The following PCDH9 variants were observed in gnomAD, a reference collection of about 807,000 sequenced individuals.
PCDH9 encodes protocadherin-9.
Under a neutral mutation model 70.6 loss-of-function variants are expected in PCDH9, and 24 were observed. That is an observed-to-expected ratio of 0.34 (90% CI 0.25 to 0.48). The LOEUF (loss-of-function observed/expected upper bound fraction) is 0.48. Among genes scored for constraint, PCDH9 ranks in the 20% least tolerant of loss-of-function variants. The probability of loss-of-function intolerance (pLI) is 0.99; values close to 1 mark genes in which losing one functional copy is unlikely to be tolerated. For synonymous variants in PCDH9, 562 were observed against 558.5 expected (o/e 1.01, Z -0.09); for missense variants, 1,281 against 1,503.6 (o/e 0.85, Z 2.45).
At chr13:66,820,513 A>G (rs1032359768) in intron 3 of PCDH9, among the ~76,000 whole-genome samples, 1 of 152,196 alleles carries the variant, frequency 6.6e-6, no homozygotes, top group African/African-American at 2.4e-5. Flanking sequence ...TATCCAATGG[A>G]ATGCAAATCA....
intron 2 of PCDH9, chr13:67,225,024 C>G (rs1205456002): frequency 1.9e-6 from 2 of 1,044,636 alleles, no homozygotes; most frequent in Non-Finnish European, 2.3e-6. Context: ...TTGAAGGTGA[C>G]TTTTTAGATC....
intron 2 of PCDH9, among the ~76,000 whole-genome samples, chr13:67,136,242 C>T (rs1316110617): frequency 6.6e-6 from 1 of 152,102 alleles, no homozygotes; most frequent in African/African-American, 2.4e-5. Flanking sequence ...CTAGGAGCAA[C>T]AGGCTGTACC....
At position 67,029,926 on chromosome 13, in the gene PCDH9, C is replaced by A. The variant is rs73211174; in HGVS notation, c.3037-126321G>T. Among the ~76,000 whole-genome samples the A allele has an allele frequency of 4.9e-3, 745 of 152,212 alleles. 2 individuals are homozygous for A. Among genetic ancestry groups the A allele is most frequent in the Non-Finnish European group, 8.9e-3 (603 of 68,010 alleles). ...AAGTTATTGTATTAATAAAAATTAGCAGAAGCCTTGAAACACCCACATTAT... is the reference window on the plus strand; with the variant it reads ...AAGTTATTGTATTAATAAAAATTAGAAGAAGCCTTGAAACACCCACATTAT... On this transcript the variant is annotated intron_variant, in intron 2 of 4. Coordinates refer to ENST00000377865, the MANE Select transcript of PCDH9 (RefSeq NM_203487.3).
At chr13:66,919,765 C>T (rs1296140813) in intron 2 of PCDH9, among the ~76,000 whole-genome samples, 14 of 150,848 alleles carry the variant, frequency 9.3e-5, no homozygotes. Flanking sequence ...CCCTCTTCTG[C>T]CTGTCAAGGA....
chr13:66,331,808 T>G (rs924946229), intron 4 of PCDH9, among the ~76,000 whole-genome samples: 1 of 152,172 alleles, frequency 6.6e-6, no homozygotes, highest in African/African-American at 2.4e-5. Flanking sequence ...ACAAGTTCCT[T>G]GGCAAGAAAG....
chr13:66,913,981 T>C (rs1283525250), intron 2 of PCDH9, among the ~76,000 whole-genome samples: 3 of 152,048 alleles, frequency 2.0e-5, no homozygotes, highest in Middle Eastern at 3.4e-3. Context: ...AGAAAAAGAA[T>C]TGGTGCTTTG....
chr13:66,631,631 C>A (rs962546529), intron 3 of PCDH9, among the ~76,000 whole-genome samples: 4 of 152,036 alleles, frequency 2.6e-5, no homozygotes, highest in African/African-American at 9.7e-5. Context: ...GTATAATTCA[C>A]GACCTTAAAA....
chr13:66,456,941 A>T (rs1034444629), intron 4 of PCDH9, among the ~76,000 whole-genome samples: 1 of 152,148 alleles, frequency 6.6e-6, no homozygotes, highest in Non-Finnish European at 1.5e-5. Flanking sequence ...TGTAAAATAT[A>T]ATAACTGTGT....
intron 2 of PCDH9, among the ~76,000 whole-genome samples, chr13:66,965,780 A>C (rs1284860074): frequency 6.6e-6 from 1 of 152,066 alleles, no homozygotes. Context: ...TATTAATAGA[A>C]TAAGTTCTGA....
At chr13:66,709,500 A>G (rs939076648) in intron 3 of PCDH9, among the ~76,000 whole-genome samples, 23 of 152,112 alleles carry the variant, frequency 1.5e-4, no homozygotes, top group Admixed American at 2.0e-4. Context: ...TTCAAGCCCC[A>G]TTACCTAGAA....
intron 4 of PCDH9, among the ~76,000 whole-genome samples, chr13:66,463,912 CAT>C (rs983788923): frequency 2.0e-5 from 3 of 151,574 alleles, no homozygotes; most frequent in African/African-American, 7.3e-5. Context: ...GATTTATAAA[CAT>C]ATGATTAGAT....
At chr13:66,874,125 G>A (rs937266996) in intron 3 of PCDH9, among the ~76,000 whole-genome samples, 1 of 151,284 alleles carries the variant, frequency 6.6e-6, no homozygotes, top group Non-Finnish European at 1.5e-5. Context: ...ATTTTTAGTA[G>A]GGACAGTATT....
chr13:66,307,358 T>C (rs1251283969), intron 4 of PCDH9, among the ~76,000 whole-genome samples: 1 of 152,164 alleles, frequency 6.6e-6, no homozygotes, highest in South Asian at 2.1e-4. Flanking sequence ...AGGTTGAAAA[T>C]GTTCTGAGGA....
intron 4 of PCDH9, among the ~76,000 whole-genome samples, chr13:66,578,553 T>C (rs569642439): frequency 6.6e-6 from 1 of 152,160 alleles, no homozygotes; most frequent in African/African-American, 2.4e-5. Flanking sequence ...TTGCTTATGA[T>C]AGCAACTTCT....
At chr13:66,934,968 C>A (rs1298401270) in intron 2 of PCDH9, among the ~76,000 whole-genome samples, 1 of 151,680 alleles carries the variant, frequency 6.6e-6, no homozygotes, top group Non-Finnish European at 1.5e-5. Context: ...GATCCGCCCG[C>A]CTCGGCCTCC....
chr13:67,201,966 T>C (rs1176651414), intron 2 of PCDH9: 1 of 152,122 alleles, frequency 6.6e-6, no homozygotes, highest in Non-Finnish European at 1.5e-5. Context: ...CCACATTCAA[T>C]TATTTTTTGC....
At chr13:66,774,721 T>G (rs1304579213) in intron 3 of PCDH9, among the ~76,000 whole-genome samples, 1 of 152,190 alleles carries the variant, frequency 6.6e-6, no homozygotes, top group Admixed American at 6.5e-5. Context: ...CACCTAAGCA[T>G]TAAAGTGGCC....
chr13:66,869,004 G>A (rs953156728), intron 3 of PCDH9, among the ~76,000 whole-genome samples: 2 of 152,046 alleles, frequency 1.3e-5, no homozygotes, highest in Non-Finnish European at 2.9e-5. Context: ...TTAATTCATA[G>A]GTTTGGCTCA....
intron 2 of PCDH9, among the ~76,000 whole-genome samples, chr13:66,924,799 T>A (rs1400753224): frequency 6.6e-6 from 1 of 151,722 alleles, no homozygotes; most frequent in African/African-American, 2.4e-5. Flanking sequence ...AGTTAGAATG[T>A]TTAGAATTTT....
Sources: gnomAD v4.1 joint callset for allele counts (sites outside exome capture counted in the v4.1 genomes callset) on GRCh38, gnomAD v4.1.1 for gene constraint, MANE v1.5 for transcripts, NCBI Gene and HGNC (gene_info 2026-07-23, HGNC 2026-07-21) for gene names.